The following LPP variants were observed in gnomAD, a reference collection of about 807,000 sequenced individuals.
LPP encodes lipoma-preferred partner.
A neutral mutation model predicts 60.4 loss-of-function variants in LPP; 38 were observed. The ratio of observed to expected loss-of-function variants is 0.63; its 90% CI spans 0.49 to 0.83. The LOEUF (loss-of-function observed/expected upper bound fraction) is 0.83, where lower values mean the gene tolerates loss of function less well. LPP is among the 40% of genes least tolerant of loss of function. The pLI, the probability that LPP is intolerant of heterozygous loss-of-function variation, is 0.00. For missense variants in LPP, 902 were observed against 783.6 expected, an observed-to-expected ratio of 1.15 and a Z score of -1.80; for synonymous variants, 328 against 290.8, an observed-to-expected ratio of 1.13 and a Z score of -1.30.
intron 4 of LPP, among the ~76,000 whole-genome samples, chr3:188,438,928 C>T (rs560222634): frequency 2.2e-4 from 34 of 152,044 alleles, no homozygotes; most frequent in African/African-American, 7.2e-4. Context: ...TCATTGAATG[C>T]ATATGTCTAT....
At chr3:188,392,339 A>G (rs544471802) in intron 3 of LPP, among the ~76,000 whole-genome samples, 5 of 152,156 alleles carry the variant, frequency 3.3e-5, no homozygotes, top group Admixed American at 2.0e-4. Flanking sequence ...AAAGTACTAC[A>G]TGGAGACATG....
chr3:188,853,429 T>A (rs1200355727), intron 9 of LPP, among the ~76,000 whole-genome samples: 2 of 151,906 alleles, frequency 1.3e-5, no homozygotes, highest in Non-Finnish European at 2.9e-5. Flanking sequence ...TCACATATCA[T>A]GGGCCATATA....
chr3:188,585,199 A>G (rs1560598207), intron 6 of LPP, among the ~76,000 whole-genome samples: 4 of 152,214 alleles, frequency 2.6e-5, no homozygotes, highest in East Asian at 1.9e-4. Flanking sequence ...GTCCTCAGAA[A>G]GGTGGAAAAC....
At chr3:188,535,679 A>G (rs1823386052) in intron 6 of LPP, among the ~76,000 whole-genome samples, 1 of 152,086 alleles carries the variant, frequency 6.6e-6, no homozygotes, top group Non-Finnish European at 1.5e-5. Flanking sequence ...TTTCAGCTAT[A>G]CTCTTATATT....
At chr3:188,442,415 C>T (rs369575499) in intron 4 of LPP, among the ~76,000 whole-genome samples, 1 of 152,210 alleles carries the variant, frequency 6.6e-6, no homozygotes, top group East Asian at 1.9e-4. Flanking sequence ...CTAAAAGGAG[C>T]CTTTTAAGTA....
At chr3:188,499,221 G>A (rs1173180653) in intron 5 of LPP, among the ~76,000 whole-genome samples, 1 of 152,120 alleles carries the variant, frequency 6.6e-6, no homozygotes, top group African/African-American at 2.4e-5. Flanking sequence ...TCAATGTCAT[G>A]ATGCTTTTGC....
intron 2 of LPP, among the ~76,000 whole-genome samples, chr3:188,339,894 A>G (rs76124135): frequency 1.2e-3 from 184 of 152,318 alleles, no homozygotes; most frequent in African/African-American, 4.3e-3. Flanking sequence ...GTTTATGGTA[A>G]CACTGCATCA....
chr3:188,309,339 A>C (rs989644535), intron 2 of LPP, among the ~76,000 whole-genome samples: 1 of 152,014 alleles, frequency 6.6e-6, no homozygotes, highest in Non-Finnish European at 1.5e-5. Flanking sequence ...CGTTTCTTCT[A>C]ATATACAGTG....
intron 5 of LPP, among the ~76,000 whole-genome samples, chr3:188,502,267 T>G (rs1465984766): frequency 4.6e-5 from 7 of 152,218 alleles, no homozygotes; most frequent in African/African-American, 1.7e-4. Flanking sequence ...TGGTAATTTT[T>G]GGTTTATATA....
chr3:188,321,654 TA>T (rs150849208), intron 2 of LPP, among the ~76,000 whole-genome samples: 122 of 150,640 alleles, frequency 8.1e-4, no homozygotes, highest in African/African-American at 2.6e-3. Flanking sequence ...CTTGCTGACT[TA>T]AAAAAAAAAT....
At chr3:188,469,477 A>G (rs1801269629) in intron 4 of LPP, among the ~76,000 whole-genome samples, 1 of 152,108 alleles carries the variant, frequency 6.6e-6, no homozygotes, top group Non-Finnish European at 1.5e-5. Context: ...CAGTTTGTCC[A>G]TTAAAGAAAA....
rs548332502 is a variant in LPP, at chr3:188,339,748, C to T, written c.-66-1915C>T. On this transcript the variant is annotated intron_variant, in intron 2 of 11. Coordinates refer to ENST00000617246, the MANE Select transcript of LPP (RefSeq NM_001375462.1). ...GGTTTACAATTCAAGATGACATTTT[C>T]GGTGTGGACACAGTCAAACTGTATC... is the stretch of plus-strand genomic sequence containing the variant. Among the ~76,000 whole-genome samples, 10 of 152,250 alleles carry T rather than the reference C, an allele frequency of 6.6e-5. No homozygotes were observed. The South Asian group carries it at 8.3e-4, about 13-fold the overall frequency.
At chr3:188,861,692 T>C (rs894320465) in intron 9 of LPP, among the ~76,000 whole-genome samples, 1 of 152,144 alleles carries the variant, frequency 6.6e-6, no homozygotes, top group Non-Finnish European at 1.5e-5. Flanking sequence ...TATCCAAAGA[T>C]AGAAAAAAAT....
intron 4 of LPP, among the ~76,000 whole-genome samples, chr3:188,476,083 C>T (rs1320515863): frequency 1.3e-5 from 2 of 152,114 alleles, no homozygotes; most frequent in African/African-American, 4.8e-5. Flanking sequence ...ACAGTCCCAA[C>T]CCCCTTACTT....
chr3:188,777,774 G>C (rs1460801766), intron 9 of LPP, among the ~76,000 whole-genome samples: 2 of 152,176 alleles, frequency 1.3e-5, no homozygotes, highest in East Asian at 3.8e-4. Flanking sequence ...ACACTGGAGA[G>C]ATTTTCTGTT....
chr3:188,529,912 T>C (rs1821680678), intron 6 of LPP, among the ~76,000 whole-genome samples: 1 of 152,188 alleles, frequency 6.6e-6, no homozygotes, highest in African/African-American at 2.4e-5. Context: ...CGTGTCAAAA[T>C]TATTGGGAGA....
intron 7 of LPP, among the ~76,000 whole-genome samples, chr3:188,706,729 T>A (rs559635685): frequency 6.6e-6 from 1 of 152,322 alleles, no homozygotes; most frequent in African/African-American, 2.4e-5. Flanking sequence ...AATAGGAGAA[T>A]GAATATGTAG....
intron 8 of LPP, among the ~76,000 whole-genome samples, chr3:188,716,039 G>A (rs570252905): frequency 6.6e-6 from 1 of 152,278 alleles, no homozygotes; most frequent in South Asian, 2.1e-4. Flanking sequence ...TAAAATTATT[G>A]AGTGAGCTAT....
intron 2 of LPP, among the ~76,000 whole-genome samples, chr3:188,253,896 G>T (rs1369012093): frequency 6.6e-6 from 1 of 152,052 alleles, no homozygotes; most frequent in Admixed American, 6.5e-5. Context: ...CTGGTTCCTC[G>T]CCGCATGGTA....
Sources: gnomAD v4.1 joint callset for allele counts (sites outside exome capture counted in the v4.1 genomes callset) on GRCh38, gnomAD v4.1.1 for gene constraint, MANE v1.5 for transcripts, NCBI Gene and HGNC (gene_info 2026-07-23, HGNC 2026-07-21) for gene names.